SBF2: variants seen among roughly 807,000 people sequenced by gnomAD.
SBF2 encodes SET binding factor 2.
In SBF2, 112 loss-of-function variants were observed where a neutral mutation model predicts 225.2. The observed-to-expected ratio is 0.50, with a 90% CI of 0.43 to 0.58. The LOEUF (loss-of-function observed/expected upper bound fraction) is 0.58, where lower values mean the gene tolerates loss of function less well. Ranked by LOEUF, SBF2 falls within the 20% of genes least tolerant of loss-of-function variation. The pLI is 0.00. For missense variants in SBF2, 1,996 were observed against 2,206.2 expected (o/e 0.90, Z 1.91); for synonymous variants, 763 against 773.3 (o/e 0.99, Z 0.22).
intron 2 of SBF2, among the ~76,000 whole-genome samples, chr11:10,096,424 TA>T (rs563258126): frequency 2.5e-3 from 320 of 126,010 alleles, no homozygotes; most frequent in African/African-American, 5.6e-3. Context: ...CAAAGTTCTG[TA>T]AAAAAAAAAA....
Position 9,964,020 on chromosome 11 carries a change from G to T in SBF2, c.1601-138C>A, listed in dbSNP as rs569474379. ...AATCCCAGCAATTTGGGAGGCTGAG[G>T]TGGGATGATCCCTTGAGCCCAGAGG... On this transcript the variant is annotated intron_variant, in intron 14 of 39. Transcript: ENST00000256190. 5.2e-5 allele frequency: 33 copies of T among 635,598 alleles called. No individual in the cohort carries two copies. In the East Asian group the frequency reaches 9.2e-4, roughly 18 times the overall value. 39.4% of individuals were successfully genotyped at this position (635,598 alleles called of 1,614,324 possible). A position where few individuals can be genotyped will look rare whatever the true frequency, so the allele number is the denominator to read the frequency against.
intron 2 of SBF2, among the ~76,000 whole-genome samples, chr11:10,130,559 T>C (rs143568614): frequency 2.4e-4 from 36 of 152,266 alleles, no homozygotes; most frequent in African/African-American, 8.7e-4. Flanking sequence ...AAAAATCACA[T>C]TGATACAATG....
chr11:10,138,994 C>CT (rs1323562413), intron 2 of SBF2, among the ~76,000 whole-genome samples: 2 of 152,084 alleles, frequency 1.3e-5, no homozygotes, highest in Non-Finnish European at 1.5e-5. Context: ...CAACTGGACT[C>CT]TTTAACAAAT....
intron 16 of SBF2, among the ~76,000 whole-genome samples, chr11:9,911,574 A>G (rs1862622850): frequency 6.6e-6 from 1 of 152,218 alleles, no homozygotes. Flanking sequence ...AGAAATTAAA[A>G]AAATAAATTC....
At position 9,780,376 on chromosome 11, in the gene SBF2, CATG is replaced by C. The variant is rs751838737; in HGVS notation, c.*39_*41del. On this transcript the variant is annotated 3_prime_UTR_variant, in exon 40 of 40. Coordinates refer to ENST00000256190, the MANE Select transcript of SBF2 (RefSeq NM_030962.4). ...GCTTCTTTTTCTATCTATCTGGCAGCATGAGTTCTTCTGTTTCTTCTGCGTGGG... is the reference window on the plus strand; with the variant it reads ...GCTTCTTTTTCTATCTATCTGGCAGCAGTTCTTCTGTTTCTTCTGCGTGGG... 11 of 1,512,158 alleles carry C rather than the reference CATG, an allele frequency of 7.3e-6. No individual in the cohort carries two copies. The highest frequency in any genetic ancestry group is 6.7e-5 in the Admixed American group (4 of 59,664). 93.7% of individuals were successfully genotyped at this position (1,512,158 alleles called of 1,614,324 possible). A position where few individuals can be genotyped will look rare whatever the true frequency, so the allele number is the denominator to read the frequency against.
chr11:10,062,679 C>T (rs972390545), intron 2 of SBF2, among the ~76,000 whole-genome samples: 3 of 152,052 alleles, frequency 2.0e-5, no homozygotes, highest in Non-Finnish European at 4.4e-5. Context: ...ATTAAAAATT[C>T]AAAAAATAAC....
intron 6 of SBF2, among the ~76,000 whole-genome samples, chr11:10,025,036 G>A (rs1217442719): frequency 1.3e-5 from 2 of 151,988 alleles, no homozygotes. Flanking sequence ...CTATTTGCTA[G>A]AGCCCCTGTG....
At chr11:10,029,617 A>T (rs764141478) in intron 5 of SBF2, 148 bp downstream of exon 5, 2 of 688,678 alleles carry the variant, frequency 2.9e-6, no homozygotes, top group Non-Finnish European at 5.2e-6. Context: ...AAAGCAGACC[A>T]TGGGGACAAT....
rs542547174 is a variant in SBF2 at position 10,029,266 on chromosome 11, C to A, written c.513+499G>T. Among the ~76,000 whole-genome samples the A allele has an allele frequency of 2.4e-3, 359 of 152,158 alleles. 2 individuals are homozygous for A. Among genetic ancestry groups the A allele is most frequent in the Non-Finnish European group, 4.3e-3 (295 of 67,978 alleles). On this transcript the variant is annotated intron_variant, in intron 5 of 39. Coordinates refer to ENST00000256190, the MANE Select transcript of SBF2 (RefSeq NM_030962.4). ...GATTCTTATTTTTCTACTTTAGAGA[C>A]AAATATGAAAATCTCAAGACATACA...
At chr11:9,995,938 G>A (rs1009447225) in intron 9 of SBF2, among the ~76,000 whole-genome samples, 2 of 151,336 alleles carry the variant, frequency 1.3e-5, no homozygotes, top group South Asian at 2.1e-4. Context: ...GGGATTACAC[G>A]CATGAGCCAC....
At chr11:9,796,185 C>T (rs1255998194) in intron 32 of SBF2, among the ~76,000 whole-genome samples, 33 of 151,842 alleles carry the variant, frequency 2.2e-4, no homozygotes, top group Admixed American at 1.8e-3. Flanking sequence ...AACATAATCT[C>T]ATTTAATCTC....
chr11:9,943,772 T>C (rs1865415774), intron 16 of SBF2, among the ~76,000 whole-genome samples: 1 of 152,212 alleles, frequency 6.6e-6, no homozygotes, highest in African/African-American at 2.4e-5. Flanking sequence ...AACTCTCATA[T>C]ATTGCTGTCA....
chr11:9,971,500 G>A (rs906578304), intron 13 of SBF2, among the ~76,000 whole-genome samples: 1 of 151,908 alleles, frequency 6.6e-6, no homozygotes, highest in East Asian at 1.9e-4. Flanking sequence ...GCAACATAGT[G>A]AGACCCCATT....
intron 27 of SBF2, among the ~76,000 whole-genome samples, chr11:9,829,947 C>T (rs1245347540): frequency 6.6e-6 from 1 of 152,242 alleles, no homozygotes; most frequent in Non-Finnish European, 1.5e-5. Context: ...GAGTTAAGAA[C>T]TTTCCAATAC....
intron 2 of SBF2, among the ~76,000 whole-genome samples, chr11:10,129,710 A>G (rs1953938685): frequency 1.3e-5 from 2 of 151,584 alleles, no homozygotes; most frequent in Admixed American, 1.3e-4. Context: ...TAAATTTTTT[A>G]CCTACGGACA....
In SBF2 at chr11:9,829,734, C is replaced by G. The variant is rs1197803000; in HGVS notation, c.3653-238G>C. 8 of 469,034 alleles carry G rather than the reference C, an allele frequency of 1.7e-5. No individual in the cohort carries two copies. In the Admixed American group the frequency reaches 2.7e-4, roughly 16 times the overall value. The allele number at this position is 469,034 out of a possible 1,614,324, so 29.1% of individuals were successfully genotyped here. On this transcript the variant is annotated intron_variant, in intron 27 of 39. Coordinates refer to ENST00000256190, the MANE Select transcript of SBF2 (RefSeq NM_030962.4). ...CTTCTTGATTGCCTCATTATGCTTC[C>G]AGAAAGAGCCCAGGTCTGGAAAACC...
At chr11:10,041,173 A>G (rs1018292337) in intron 3 of SBF2, among the ~76,000 whole-genome samples, 3 of 152,120 alleles carry the variant, frequency 2.0e-5, no homozygotes, top group Non-Finnish European at 2.9e-5. Context: ...CTTAAATGCT[A>G]AAGATCAACA....
intron 17 of SBF2, among the ~76,000 whole-genome samples, chr11:9,878,220 C>T (rs1226024147): frequency 6.6e-6 from 1 of 152,152 alleles, no homozygotes; most frequent in African/African-American, 2.4e-5. Flanking sequence ...TGTTCATATC[C>T]TTTGCCCACT....
Position 10,197,230 on chromosome 11 carries a change from T to C in SBF2, c.56-3243A>G, listed in dbSNP as rs73415082. 8.7e-3 allele frequency among the ~76,000 whole-genome samples: 1,330 copies of C among 152,210 alleles called. 29 individuals carry two copies. The highest frequency in any genetic ancestry group is 0.03 in the African/African-American group (1,240 of 41,538). On this transcript the variant is annotated intron_variant, in intron 1 of 39. Transcript: ENST00000256190. ...CACACTACTCTAAGAGGCACTTTGATAGATAGATTGAGTTCTTTCAAACTG... is the reference window on the plus strand; with the variant it reads ...CACACTACTCTAAGAGGCACTTTGACAGATAGATTGAGTTCTTTCAAACTG...
Sources: allele counts gnomAD v4.1 joint callset (sites outside exome capture counted in the v4.1 genomes callset), GRCh38; gene constraint gnomAD v4.1.1; transcripts MANE v1.5; gene names NCBI Gene and HGNC (gene_info 2026-07-23, HGNC 2026-07-21).